Variants in PROS1 observed in about 807,000 individuals in gnomAD.
PROS1 encodes vitamin K-dependent protein S.
In PROS1, 29 loss-of-function variants were observed where a neutral mutation model predicts 75.9. The ratio of observed to expected loss-of-function variants is 0.38; its 90% CI spans 0.28 to 0.52. The LOEUF (loss-of-function observed/expected upper bound fraction) is 0.52. Among genes scored for constraint, PROS1 ranks in the 20% least tolerant of loss-of-function variants. PROS1 has a pLI of 0.83. For synonymous variants in PROS1, 245 were observed against 280.6 expected, an observed-to-expected ratio of 0.87 and a Z score of 1.27; for missense variants, 680 against 810.3, an observed-to-expected ratio of 0.84 and a Z score of 1.95.
chr3:93,967,105 T>A (rs1480307089), intron 1 of PROS1, among the ~76,000 whole-genome samples: 1 of 152,228 alleles, frequency 6.6e-6, no homozygotes, highest in African/African-American at 2.4e-5. Context: ...ACACTGGATC[T>A]GCCACATGAA....
At chr3:93,927,527 G>A (rs747401759) in intron 1 of PROS1, 120 bp from the exon 2 acceptor site, 11 of 1,191,508 alleles carry the variant, frequency 9.2e-6, no homozygotes, top group Non-Finnish European at 1.2e-5. Context: ...TTTAAAATCA[G>A]TATGATCGAA....
intron 6 of PROS1, among the ~76,000 whole-genome samples, chr3:93,901,522 G>C (rs1032564832): frequency 6.6e-6 from 1 of 152,128 alleles, no homozygotes; most frequent in African/African-American, 2.4e-5. Flanking sequence ...TTAGCAATTA[G>C]TTACTAGATG....
chr3:93,914,792 T>C (rs543628272), intron 3 of PROS1, among the ~76,000 whole-genome samples: 13 of 152,292 alleles, frequency 8.5e-5, no homozygotes, highest in African/African-American at 3.1e-4. Context: ...GTGTACACTG[T>C]ACCCAATATG....
intron 1 of PROS1, among the ~76,000 whole-genome samples, chr3:93,951,604 A>G (rs1039928700): frequency 2.6e-5 from 4 of 152,222 alleles, no homozygotes; most frequent in Admixed American, 1.3e-4. Flanking sequence ...AGCATTACAC[A>G]TGGAAAGGAA....
In PROS1 at chr3:93,877,145, G is replaced by A. The variant is rs1708202113; in HGVS notation, c.1691C>T (p.Ala564Val). 1 of 1,611,248 alleles carries A rather than the reference G, an allele frequency of 6.2e-7. No individual in the cohort carries two copies. The highest frequency in any genetic ancestry group is 1.3e-5 in the African/African-American group (1 of 74,814). The change falls in exon 14 of 15, where the codon GCC becomes GTC. Residue 564 changes from alanine (A) to valine (V), a missense_variant. Physicochemically the swap from Ala to Val is moderately conservative, Grantham distance 64. Transcript: ENST00000394236. ...VENTVIYRIQ[A>V]LSLCSDQQSH... is the part of the protein sequence containing the mutation. ...TTGTTGATCGGAACATAGACTTAGG[G>A]CCTGTATCCGATATATTACAGTATT... is the stretch of plus-strand genomic sequence containing the variant.
chr3:93,881,539 T>G (rs151228573), intron 12 of PROS1, among the ~76,000 whole-genome samples: 8 of 150,524 alleles, frequency 5.3e-5, no homozygotes, highest in African/African-American at 1.9e-4. Context: ...TAAAAATGTA[T>G]TTTAATGTAG....
chr3:93,911,270 G>A (rs1708755962), intron 3 of PROS1: 1 of 153,048 alleles, frequency 6.5e-6, no homozygotes, highest in African/African-American at 2.4e-5. Flanking sequence ...TAGCAACCTG[G>A]TAGATATTGC....
intron 1 of PROS1, among the ~76,000 whole-genome samples, chr3:93,942,282 G>A (rs1450344477): frequency 1.3e-5 from 2 of 152,072 alleles, no homozygotes; most frequent in African/African-American, 4.8e-5. Flanking sequence ...CTACACATCA[G>A]TATTTATACT....
At chr3:93,935,479 G>C (rs1460059400) in intron 1 of PROS1, among the ~76,000 whole-genome samples, 1 of 152,052 alleles carries the variant, frequency 6.6e-6, no homozygotes, top group East Asian at 1.9e-4. Context: ...GCCTGGGTCT[G>C]TACTTATGTT....
intron 8 of PROS1, among the ~76,000 whole-genome samples, chr3:93,897,433 TC>T (rs947073097): frequency 6.6e-6 from 1 of 152,028 alleles, no homozygotes; most frequent in Admixed American, 6.6e-5. Flanking sequence ...ACATTTTATT[TC>T]CCCTTAAAAC....
chr3:93,947,212 C>T (rs949501950), intron 1 of PROS1, among the ~76,000 whole-genome samples: 3 of 152,166 alleles, frequency 2.0e-5, no homozygotes, highest in African/African-American at 7.2e-5. Context: ...AACACTTTTA[C>T]TCTGTTGGTG....
intron 1 of PROS1, among the ~76,000 whole-genome samples, chr3:93,948,461 C>T (rs1361641688): frequency 2.0e-5 from 3 of 152,052 alleles, no homozygotes; most frequent in African/African-American, 7.2e-5. Flanking sequence ...CCTGGATATC[C>T]TTGTTAACTT....
At chr3:93,875,676 ATCATCTATCTATCTGTCTGTCTT>A (rs1708174850) in intron 14 of PROS1, among the ~76,000 whole-genome samples, 1 of 129,524 alleles carries the variant, frequency 7.7e-6, no homozygotes, top group African/African-American at 2.9e-5. Context: ...CTATCTATCT[ATCATCTATCTATCTGTCTGTCTT>A]TCTATAGCTT....
In PROS1 at chr3:93,973,742, A is replaced by T; in HGVS notation, c.8T>A (p.Val3Asp). 6.2e-7 allele frequency: 1 copy of T among 1,612,782 alleles called. No homozygotes were observed. Among genetic ancestry groups the T allele is most frequent in the Non-Finnish European group, 8.5e-7 (1 of 1,179,488 alleles). ...CAGCGCCCCGCAGCGCCCACCCAGGACCCTCATTTCGAAGCGCGCGGAGGC... is the reference window on the plus strand; with the variant it reads ...CAGCGCCCCGCAGCGCCCACCCAGGTCCCTCATTTCGAAGCGCGCGGAGGC... MRVLGGRCGALLA... is the reference protein window; with the variant it reads MRDLGGRCGALLA... Residue 3 changes from valine (V) to aspartate (D), a missense_variant, in exon 1 of 15, where the codon GTC becomes GAC. Physicochemically the swap from Val to Asp is radical, Grantham distance 152 (BLOSUM62 -3). Coordinates refer to ENST00000394236, the MANE Select transcript of PROS1 (RefSeq NM_000313.4).
chr3:93,943,515 G>C (rs1709325675), intron 1 of PROS1, among the ~76,000 whole-genome samples: 1 of 151,926 alleles, frequency 6.6e-6, no homozygotes, highest in African/African-American at 2.4e-5. Context: ...TCTTCCTTCA[G>C]CTAAATCTCT....
chr3:93,933,651 T>C (rs1179702729), intron 1 of PROS1, among the ~76,000 whole-genome samples: 1 of 151,930 alleles, frequency 6.6e-6, no homozygotes, highest in East Asian at 1.9e-4. Context: ...TGGGCTGGCG[T>C]GGTGGCCCAC....
At chr3:93,927,120 G>A in intron 2 of PROS1, 130 bp downstream of exon 2, 1 of 1,172,860 alleles carries the variant, frequency 8.5e-7, no homozygotes, top group Non-Finnish European at 1.2e-6. Context: ...AATGGAAGTG[G>A]TTATGTGTGG....
chr3:93,934,054 C>A (rs1325764238), intron 1 of PROS1, among the ~76,000 whole-genome samples: 1 of 148,010 alleles, frequency 6.8e-6, no homozygotes, highest in Non-Finnish European at 1.5e-5. Flanking sequence ...GTGGTGGGCA[C>A]CTCTAATCCC....
rs760782629 is a variant in PROS1, at chr3:93,877,015, C to T, written c.1821G>A (p.Leu607=). ...HEDLQRQLAV[L]DKAMKAKVAT... ...CCACTTTTGCTTTCATTGCTTTGTC[C>T]AAGACGGCAAGTTGTCTTTGAAGGT... is the stretch of plus-strand genomic sequence containing the variant. Residue 607 remains leucine (L), a synonymous_variant, in exon 14 of 15, where the codon TTG becomes TTA. Coordinates refer to ENST00000394236, the MANE Select transcript of PROS1 (RefSeq NM_000313.4). 2 of 1,613,866 alleles carry T rather than the reference C, an allele frequency of 1.2e-6. No individual in the cohort carries two copies. Among genetic ancestry groups the T allele is most frequent in the African/African-American group, 2.7e-5 (2 of 75,010 alleles).
Sources: gnomAD v4.1 joint callset for allele counts (sites outside exome capture counted in the v4.1 genomes callset) on GRCh38, gnomAD v4.1.1 for gene constraint, MANE v1.5 for transcripts, NCBI Gene and HGNC (gene_info 2026-07-23, HGNC 2026-07-21) for gene names.